The following CSMD1 variants were observed in gnomAD, a reference collection of about 807,000 sequenced individuals.
The protein encoded by CSMD1 is CUB and sushi domain-containing protein 1.
In CSMD1, 213 loss-of-function variants were observed where a neutral mutation model predicts 417.5. That is an observed-to-expected ratio of 0.51 (90% CI 0.46 to 0.57). CSMD1 has a LOEUF of 0.57. Ranked by LOEUF, CSMD1 falls within the 20% of genes least tolerant of loss-of-function variation. CSMD1 has a pLI of 0.00. For missense variants in CSMD1, 6,923 were observed against 4,529.7 expected (o/e 1.53, Z -15.17); for synonymous variants, 2,862 against 1,736.8 (o/e 1.65, Z -16.11).
chr8:3,155,482 C>G (rs1194976778), intron 39 of CSMD1, among the ~76,000 whole-genome samples: 1 of 149,936 alleles, frequency 6.7e-6, no homozygotes, highest in Non-Finnish European at 1.5e-5. Context: ...ATTCTCCTGC[C>G]TCAGCCTCCC....
chr8:4,081,377 T>A (rs556078390), intron 3 of CSMD1, among the ~76,000 whole-genome samples: 7 of 152,244 alleles, frequency 4.6e-5, no homozygotes, highest in African/African-American at 1.7e-4. Context: ...AAACTGTGAT[T>A]TCTGAATATA....
intron 1 of CSMD1, among the ~76,000 whole-genome samples, chr8:4,807,479 G>A (rs1242888854): frequency 6.6e-6 from 1 of 152,118 alleles, no homozygotes; most frequent in East Asian, 1.9e-4. Flanking sequence ...TTATAGCCAA[G>A]CTGAGCCCAG....
chr8:3,838,657 A>C (rs1197753416), intron 5 of CSMD1, among the ~76,000 whole-genome samples: 2 of 119,754 alleles, frequency 1.7e-5, no homozygotes, highest in African/African-American at 3.4e-5. Flanking sequence ...ATATAGTATA[A>C]TATATAATAA....
At chr8:4,648,961 T>C (rs1585390007) in intron 1 of CSMD1, among the ~76,000 whole-genome samples, 1 of 152,350 alleles carries the variant, frequency 6.6e-6, no homozygotes, top group Non-Finnish European at 1.5e-5. Context: ...TACTGACACC[T>C]AGTATCCTAG....
intron 5 of CSMD1, among the ~76,000 whole-genome samples, chr8:3,788,185 TAATTACA>T (rs1799549874): frequency 6.6e-6 from 1 of 152,218 alleles, no homozygotes; most frequent in African/African-American, 2.4e-5. Flanking sequence ...TGATACTACA[TAATTACA>T]AATTACAGAT....
At position 4,757,691 on chromosome 8, in the gene CSMD1, G is replaced by A. The variant is rs767133981; in HGVS notation, c.86-120133C>T. ...AAGCGACATTATGCTGGGCATGGTG[G>A]CTTATGTCTGTAATCCTATCACTTT... On this transcript the variant is annotated intron_variant, in intron 1 of 69. Transcript: ENST00000635120. 5.3e-5 allele frequency among the ~76,000 whole-genome samples: 8 copies of A among 152,092 alleles called. No homozygotes were observed. In the South Asian group the frequency reaches 6.2e-4, roughly 12 times the overall value.
chr8:3,584,788 G>T (rs1800527672), intron 9 of CSMD1, among the ~76,000 whole-genome samples: 1 of 151,980 alleles, frequency 6.6e-6, no homozygotes, highest in Admixed American at 6.5e-5. Context: ...ACTATTGAAG[G>T]ATTTTTTTTT....
chr8:3,528,829 A>G (rs1375886912), intron 10 of CSMD1, among the ~76,000 whole-genome samples: 1 of 152,212 alleles, frequency 6.6e-6, no homozygotes, highest in Non-Finnish European at 1.5e-5. Context: ...ATAGTTCTCC[A>G]TTTAAACATA....
intron 1 of CSMD1, among the ~76,000 whole-genome samples, chr8:4,780,987 G>A (rs937579417): frequency 6.6e-6 from 1 of 152,102 alleles, no homozygotes; most frequent in East Asian, 1.9e-4. Context: ...CTCAATCAAA[G>A]GTCAGTGTCT....
chr8:4,211,399 A>T (rs1800302714), intron 3 of CSMD1, among the ~76,000 whole-genome samples: 1 of 152,184 alleles, frequency 6.6e-6, no homozygotes, highest in Non-Finnish European at 1.5e-5. Flanking sequence ...AAATTATTTT[A>T]CCTAAATCAG....
intron 10 of CSMD1, among the ~76,000 whole-genome samples, chr8:3,511,839 T>G (rs1331787696): frequency 6.7e-6 from 1 of 149,052 alleles, no homozygotes; most frequent in Non-Finnish European, 1.5e-5. Context: ...TAAAATAAAA[T>G]AAAAATATAA....
At chr8:4,897,257 A>G (rs1804558090) in intron 1 of CSMD1, among the ~76,000 whole-genome samples, 1 of 152,138 alleles carries the variant, frequency 6.6e-6, no homozygotes, top group African/African-American at 2.4e-5. Context: ...CTTTCATCGT[A>G]TCAACCAAAA....
intron 10 of CSMD1, among the ~76,000 whole-genome samples, chr8:3,532,464 A>G (rs1798023084): frequency 6.6e-6 from 1 of 152,048 alleles, no homozygotes; most frequent in Admixed American, 6.5e-5. Flanking sequence ...TGTGTCTGAC[A>G]TTTCCTTGCC....
rs142301203 is a variant in CSMD1 at position 3,720,311 on chromosome 8, G to T, written c.932-11820C>A. 2.1e-3 allele frequency among the ~76,000 whole-genome samples: 319 copies of T among 152,186 alleles called. 2 individuals carry two copies. The highest frequency in any genetic ancestry group is 6.5e-3 in the African/African-American group (268 of 41,504). ...GAGCTTACAGAAGAAAAAAGAAAGG[G>T]GAGAGAGAGGAGAAGCTACTGGAAA... On this transcript the variant is annotated intron_variant, in intron 6 of 69. Coordinates refer to ENST00000635120, the MANE Select transcript of CSMD1 (RefSeq NM_033225.6).
At chr8:3,595,638 C>T (rs1801054880) in intron 8 of CSMD1, among the ~76,000 whole-genome samples, 2 of 152,152 alleles carry the variant, frequency 1.3e-5, no homozygotes, top group East Asian at 1.9e-4. Flanking sequence ...GAGTGATTGG[C>T]AATTTCCAGC....
At chr8:4,437,909 C>G (rs976314424) in intron 2 of CSMD1, among the ~76,000 whole-genome samples, 1 of 152,182 alleles carries the variant, frequency 6.6e-6, no homozygotes, top group Admixed American at 6.5e-5. Context: ...AGCCGGCTCT[C>G]AGGCTTGGAC....
rs189372284 is a variant in CSMD1, at chr8:4,221,858, G to A, written c.416-189759C>T. ...CTTACAGGAATTCTTATTACACTCA[G>A]GAAGGATATTAGAGAATTCTTAGCA... is the stretch of plus-strand genomic sequence containing the variant. On this transcript the variant is annotated intron_variant, in intron 3 of 69. Transcript: ENST00000635120. Among the ~76,000 whole-genome samples the A allele has an allele frequency of 3.8e-3, 578 of 152,220 alleles. 2 individuals carry two copies. Among genetic ancestry groups the A allele is most frequent in the Admixed American group, 6.7e-3 (103 of 15,296 alleles).
intron 3 of CSMD1, among the ~76,000 whole-genome samples, chr8:4,368,311 C>A (rs1034128158): frequency 6.6e-6 from 1 of 152,194 alleles, no homozygotes; most frequent in South Asian, 2.1e-4. Flanking sequence ...GTATGTTAAA[C>A]CAACTTTAGA....
At chr8:3,308,631 T>G in intron 23 of CSMD1, 128 bp from the exon 24 acceptor site, 8 of 680,610 alleles carry the variant, frequency 1.2e-5, no homozygotes, top group Admixed American at 2.7e-5. Context: ...ATTGTGAATT[T>G]ACAAAGGGGA....
Sources: gnomAD v4.1 joint callset for allele counts (sites outside exome capture counted in the v4.1 genomes callset) on GRCh38, gnomAD v4.1.1 for gene constraint, MANE v1.5 for transcripts, NCBI Gene and HGNC (gene_info 2026-07-23, HGNC 2026-07-21) for gene names.